Variants in ZNF804A observed in about 807,000 individuals in gnomAD.
The protein encoded by ZNF804A is zinc finger protein 804A.
ZNF804A carries 2 observed loss-of-function variants against 16.5 expected under a neutral mutation model. The observed-to-expected ratio is 0.12, with a 90% confidence interval of 0.05 to 0.38. ZNF804A has a LOEUF of 0.38. ZNF804A is among the 10% of genes least tolerant of loss of function. The pLI, the probability that ZNF804A is intolerant of heterozygous loss-of-function variation, is 0.99. For missense variants in ZNF804A, 1,473 were observed against 1,390.7 expected (o/e 1.06, Z -0.94); for synonymous variants, 534 against 489.6 (o/e 1.09, Z -1.20).
At chr2:184,715,072 A>C (rs900642675) in intron 1 of ZNF804A, among the ~76,000 whole-genome samples, 6 of 152,136 alleles carry the variant, frequency 3.9e-5, no homozygotes, top group African/African-American at 1.4e-4. Context: ...GTCCCACGAG[A>C]GTAGCCTAAG....
intron 1 of ZNF804A, among the ~76,000 whole-genome samples, chr2:184,864,383 C>T (rs1695843556): frequency 1.3e-5 from 2 of 152,166 alleles, no homozygotes; most frequent in Admixed American, 6.5e-5. Context: ...ATCACCCAAA[C>T]ACCTCCCATT....
At chr2:184,678,976 A>G (rs996013374) in intron 1 of ZNF804A, among the ~76,000 whole-genome samples, 1 of 152,218 alleles carries the variant, frequency 6.6e-6, no homozygotes, top group Admixed American at 6.5e-5. Context: ...ACATATTATT[A>G]TAAATATATA....
chr2:184,610,131 C>T (rs1475840339), intron 1 of ZNF804A, among the ~76,000 whole-genome samples: 1 of 152,122 alleles, frequency 6.6e-6, no homozygotes, highest in Non-Finnish European at 1.5e-5. Flanking sequence ...TTGGCTGTTA[C>T]TCGTAAGTCC....
At chr2:184,744,959 G>A (rs1055887678) in intron 1 of ZNF804A, among the ~76,000 whole-genome samples, 1 of 151,792 alleles carries the variant, frequency 6.6e-6, no homozygotes, top group South Asian at 2.1e-4. Flanking sequence ...AGAAAGACCT[G>A]ATTACAGTAA....
At position 184,787,910 on chromosome 2, in the gene ZNF804A, T is replaced by C. The variant is rs145085236; in HGVS notation, c.112-78459T>C. On this transcript the variant is annotated intron_variant, in intron 1 of 3. Coordinates refer to ENST00000302277, the MANE Select transcript of ZNF804A (RefSeq NM_194250.2). ...TTTTGAGGTCTTTGTCATAAATTAT[T>C]TGCCTAGGCAAATGTCAAGGAGAGC... 2.2e-3 allele frequency among the ~76,000 whole-genome samples: 329 copies of C among 152,132 alleles called. 1 individual carries two copies. The highest frequency in any genetic ancestry group is 6.8e-3 in the Middle Eastern group (2 of 294).
At chr2:184,630,128 G>C (rs917613527) in intron 1 of ZNF804A, among the ~76,000 whole-genome samples, 1 of 152,030 alleles carries the variant, frequency 6.6e-6, no homozygotes, top group Non-Finnish European at 1.5e-5. Context: ...CAGGTCTCTG[G>C]TACTGTAGCA....
intron 1 of ZNF804A, among the ~76,000 whole-genome samples, chr2:184,640,242 AGAG>A (rs1310971722): frequency 6.6e-6 from 1 of 151,298 alleles, no homozygotes; most frequent in African/African-American, 2.4e-5. Flanking sequence ...AGGAGGAGGA[AGAG>A]GAGGAGGAGA....
At chr2:184,840,025 G>A (rs962070697) in intron 1 of ZNF804A, among the ~76,000 whole-genome samples, 6 of 152,082 alleles carry the variant, frequency 3.9e-5, no homozygotes, top group Non-Finnish European at 7.4e-5. Context: ...TTAATTATTG[G>A]AATAGACTCT....
In ZNF804A at chr2:184,916,762, C is replaced by T. The variant is rs1187754389; in HGVS notation, c.256-16841C>T. On this transcript the variant is annotated intron_variant, in intron 2 of 3. Coordinates refer to ENST00000302277, the MANE Select transcript of ZNF804A (RefSeq NM_194250.2). ...ACTTGGGAGGCTGAGGCAGGAGAAT[C>T]GCTTGAACCCAGGAGGCAGAGGCTC... Among the ~76,000 whole-genome samples, 8 of 151,960 alleles carry T rather than the reference C, an allele frequency of 5.3e-5. No individual in the cohort carries two copies. The South Asian group carries it at 8.3e-4, about 16-fold the overall frequency.
At chr2:184,692,057 G>C (rs566403114) in intron 1 of ZNF804A, among the ~76,000 whole-genome samples, 1 of 152,190 alleles carries the variant, frequency 6.6e-6, no homozygotes, top group South Asian at 2.1e-4. Flanking sequence ...ATGTTTTAAG[G>C]CTTTATGTCT....
chr2:184,894,989 A>G (rs1399379864), intron 2 of ZNF804A, among the ~76,000 whole-genome samples: 1 of 152,180 alleles, frequency 6.6e-6, no homozygotes, highest in Non-Finnish European at 1.5e-5. Context: ...GAAGGCTACG[A>G]TGAAGTTCAA....
chr2:184,932,008 T>A (rs1241779090), intron 2 of ZNF804A, among the ~76,000 whole-genome samples: 5 of 152,048 alleles, frequency 3.3e-5, no homozygotes, highest in Non-Finnish European at 5.9e-5. Context: ...AGTAACAGAG[T>A]AACATTTATT....
chr2:184,903,299 T>C (rs890329180), intron 2 of ZNF804A, among the ~76,000 whole-genome samples: 1 of 152,134 alleles, frequency 6.6e-6, no homozygotes, highest in African/African-American at 2.4e-5. Context: ...ACCACATATA[T>C]AGCAATGACC....
intron 1 of ZNF804A, among the ~76,000 whole-genome samples, chr2:184,718,472 T>C (rs185033243): frequency 1.3e-5 from 2 of 152,260 alleles, no homozygotes; most frequent in East Asian, 3.9e-4. Context: ...CAAAGACTCA[T>C]CTGAGACAAG....
rs186633216 is a variant in ZNF804A, at chr2:184,853,406, G to A, written c.112-12963G>A. Among the ~76,000 whole-genome samples, 304 of 151,896 alleles carry A rather than the reference G, an allele frequency of 2.0e-3. 5 individuals are homozygous for A. In the Middle Eastern group the frequency reaches 0.041, roughly 20 times the overall value. On this transcript the variant is annotated intron_variant, in intron 1 of 3. Coordinates refer to ENST00000302277, the MANE Select transcript of ZNF804A (RefSeq NM_194250.2). ...CTTTGACTTCATCTCTTGCCTAATT[G>A]TATGGATAGGACTTCCAATACTATG...
rs749041646 is a variant in ZNF804A, at chr2:184,626,124, TC to T, written c.111+27057del. Among the ~76,000 whole-genome samples, 7 of 152,302 alleles carry T rather than the reference TC, an allele frequency of 4.6e-5. 1 individual carries two copies. The highest frequency in any genetic ancestry group is 4.6e-4 in the Admixed American group (7 of 15,294). ...ATCTCGTGATCCACACACCTCGGCC[TC>T]CCAAAGTGCTGGGATTACAGGCATG... On this transcript the variant is annotated intron_variant, in intron 1 of 3. Coordinates refer to ENST00000302277, the MANE Select transcript of ZNF804A (RefSeq NM_194250.2).
At chr2:184,646,706 T>G (rs1119945) in intron 1 of ZNF804A, among the ~76,000 whole-genome samples, 85,681 of 152,254 alleles carry the variant, frequency 0.56, 25,151 homozygotes, top group African/African-American at 0.69. Flanking sequence ...ATACTCTCCT[T>G]GATTAGGAAT....
At chr2:184,689,982 G>T (rs1363335827) in intron 1 of ZNF804A, among the ~76,000 whole-genome samples, 1 of 151,750 alleles carries the variant, frequency 6.6e-6, no homozygotes, top group East Asian at 1.9e-4. Flanking sequence ...AGACTTTTAT[G>T]GAACAATTTT....
chr2:184,847,187 T>C (rs1030136191), intron 1 of ZNF804A, among the ~76,000 whole-genome samples: 1 of 152,138 alleles, frequency 6.6e-6, no homozygotes, highest in African/African-American at 2.4e-5. Context: ...GAGGAATCTA[T>C]AGAGATATGA....
Sources: gnomAD v4.1 joint callset for allele counts (sites outside exome capture counted in the v4.1 genomes callset) on GRCh38, gnomAD v4.1.1 for gene constraint, MANE v1.5 for transcripts, NCBI Gene and HGNC (gene_info 2026-07-23, HGNC 2026-07-21) for gene names.